Variants in CDH12 observed in about 807,000 individuals in gnomAD.
CDH12 encodes cadherin-12.
A neutral mutation model predicts 74.1 loss-of-function variants in CDH12; 41 were observed. That is an observed-to-expected ratio of 0.55 (90% CI 0.43 to 0.72). CDH12 has a LOEUF of 0.72. Ranked by LOEUF, CDH12 falls within the 30% of genes least tolerant of loss-of-function variation. The pLI, the probability that CDH12 is intolerant of heterozygous loss-of-function variation, is 0.00. For missense variants in CDH12, 945 were observed against 977.2 expected (o/e 0.97, Z 0.44); for synonymous variants, 399 against 355.0 (o/e 1.12, Z -1.39).
intron 5 of CDH12, among the ~76,000 whole-genome samples, chr5:22,014,515 T>C (rs1466114167): frequency 1.3e-5 from 2 of 152,230 alleles, no homozygotes; most frequent in East Asian, 3.9e-4. Context: ...TAATATGTAA[T>C]GAAGGTTGAT....
chr5:22,817,306 A>G (rs974862989), intron 1 of CDH12, among the ~76,000 whole-genome samples: 157 of 152,232 alleles, frequency 1.0e-3, no homozygotes, highest in African/African-American at 3.7e-3. Context: ...CACATTATTT[A>G]CTACTTAAAA....
intron 2 of CDH12, among the ~76,000 whole-genome samples, chr5:22,413,046 A>C (rs1743227305): frequency 6.6e-6 from 1 of 152,008 alleles, no homozygotes; most frequent in Non-Finnish European, 1.5e-5. Flanking sequence ...CTCTTGTAGA[A>C]AGTTAAATAT....
chr5:22,086,012 G>A (rs1281921296), intron 4 of CDH12, among the ~76,000 whole-genome samples: 2 of 152,144 alleles, frequency 1.3e-5, no homozygotes, highest in Non-Finnish European at 1.5e-5. Context: ...CCTTGGGAAT[G>A]AGCATACATC....
chr5:21,882,962 C>T, intron 6 of CDH12: 1 of 1,598,732 alleles, frequency 6.3e-7, no homozygotes, highest in Non-Finnish European at 8.6e-7. Flanking sequence ...GCTCTATAGC[C>T]AAGGAAGGCT....
At chr5:22,734,587 C>G (rs774649269) in intron 1 of CDH12, among the ~76,000 whole-genome samples, 3 of 151,854 alleles carry the variant, frequency 2.0e-5, no homozygotes, top group Non-Finnish European at 4.4e-5. Context: ...TTTTGAAACT[C>G]TACAGCATAC....
At chr5:22,239,074 A>T (rs1370686139) in intron 3 of CDH12, among the ~76,000 whole-genome samples, 3 of 152,232 alleles carry the variant, frequency 2.0e-5, no homozygotes, top group African/African-American at 7.2e-5. Flanking sequence ...CAGCCTGGTT[A>T]TAAGAAAGAT....
chr5:22,512,958 A>C (rs1736673096), intron 1 of CDH12, among the ~76,000 whole-genome samples: 1 of 152,062 alleles, frequency 6.6e-6, no homozygotes, highest in African/African-American at 2.4e-5. Flanking sequence ...GGAGGGTTGA[A>C]CCCAGGAGGC....
chr5:22,580,395 G>T, intron 1 of CDH12: 1 of 490,218 alleles, frequency 2.0e-6, no homozygotes, highest in South Asian at 1.5e-5. Flanking sequence ...CCCATCGTAG[G>T]GTGGGTAGGG....
chr5:22,070,313 A>T (rs567352917), intron 5 of CDH12, among the ~76,000 whole-genome samples: 1 of 152,124 alleles, frequency 6.6e-6, no homozygotes, highest in Non-Finnish European at 1.5e-5. Flanking sequence ...CCTTGTTATT[A>T]TCTCTATTTG....
At chr5:22,457,671 C>G (rs977798543) in intron 2 of CDH12, among the ~76,000 whole-genome samples, 10 of 150,332 alleles carry the variant, frequency 6.7e-5, no homozygotes, top group African/African-American at 2.5e-4. Flanking sequence ...CTCCACCTCC[C>G]AAGTTCCAGC....
intron 5 of CDH12, among the ~76,000 whole-genome samples, chr5:22,021,606 T>C (rs1479922273): frequency 6.6e-6 from 1 of 152,240 alleles, no homozygotes; most frequent in East Asian, 1.9e-4. Context: ...ACCATTTTGC[T>C]ATTCACTTTC....
intron 1 of CDH12, among the ~76,000 whole-genome samples, chr5:22,552,192 C>T (rs1738603162): frequency 6.6e-6 from 1 of 151,902 alleles, no homozygotes; most frequent in Admixed American, 6.6e-5. Context: ...AAGGGGAGAG[C>T]TCCTTCTATA....
chr5:22,256,700 T>C (rs911034317), intron 3 of CDH12, among the ~76,000 whole-genome samples: 13 of 152,130 alleles, frequency 8.5e-5, no homozygotes, highest in African/African-American at 2.9e-4. Flanking sequence ...TGGTGGAAGA[T>C]AATGATATTG....
intron 6 of CDH12, among the ~76,000 whole-genome samples, chr5:21,905,845 T>C (rs1168485603): frequency 2.0e-5 from 3 of 152,198 alleles, no homozygotes; most frequent in Admixed American, 1.3e-4. Flanking sequence ...TTTGCATTTA[T>C]TTGAACATAT....
At chr5:22,427,884 C>CA (rs148187279) in intron 2 of CDH12, among the ~76,000 whole-genome samples, 9 of 151,260 alleles carry the variant, frequency 6.0e-5, no homozygotes, top group African/African-American at 1.2e-4. Context: ...TAGCTTCACC[C>CA]AAAAAAAAGT....
At chr5:22,794,620 G>C (rs1748094709) in intron 1 of CDH12, among the ~76,000 whole-genome samples, 1 of 152,104 alleles carries the variant, frequency 6.6e-6, no homozygotes, top group Admixed American at 6.5e-5. Flanking sequence ...AAGATTTAGA[G>C]AGAATAGAAA....
Position 22,016,727 on chromosome 5 carries a change from A to G in CDH12, c.232-41342T>C, listed in dbSNP as rs944560353. 4.6e-5 allele frequency among the ~76,000 whole-genome samples: 7 copies of G among 152,046 alleles called. 1 individual carries two copies. Among genetic ancestry groups the G allele is most frequent in the Admixed American group, 4.6e-4 (7 of 15,254 alleles). On this transcript the variant is annotated intron_variant, in intron 5 of 14. Transcript: ENST00000382254. ...AAGTTCCCCAATTTAGCCTTCACTC[A>G]GTATAAGAATATCTTGCACAGCAAC...
intron 2 of CDH12, among the ~76,000 whole-genome samples, chr5:22,481,547 T>C (rs1199692093): frequency 1.3e-5 from 2 of 152,204 alleles, no homozygotes; most frequent in Non-Finnish European, 2.9e-5. Flanking sequence ...GCCTGCCATT[T>C]GCAACAATAT....
At chr5:22,480,778 G>A (rs1285486289) in intron 2 of CDH12, among the ~76,000 whole-genome samples, 12 of 152,070 alleles carry the variant, frequency 7.9e-5, no homozygotes, top group Non-Finnish European at 1.5e-5. Context: ...AGGCTAAACA[G>A]GCAGAGAGAT....
Sources: allele counts gnomAD v4.1 joint callset (sites outside exome capture counted in the v4.1 genomes callset), GRCh38; gene constraint gnomAD v4.1.1; transcripts MANE v1.5; gene names NCBI Gene and HGNC (gene_info 2026-07-23, HGNC 2026-07-21).